GHR: variants seen among roughly 807,000 people sequenced by gnomAD.
GHR encodes the protein growth hormone receptor.
In GHR, 35 loss-of-function variants were observed where a neutral mutation model predicts 67.1. The observed-to-expected ratio is 0.52, with a 90% confidence interval of 0.40 to 0.69. The LOEUF (loss-of-function observed/expected upper bound fraction) is 0.69, where lower values mean the gene tolerates loss of function less well. Ranked by LOEUF, GHR falls within the 30% of genes least tolerant of loss-of-function variation. The pLI is 0.00. For synonymous variants in GHR, 272 were observed against 269.1 expected (o/e 1.01, Z -0.10); for missense variants, 792 against 764.6 (o/e 1.04, Z -0.42).
chr5:42,574,311 C>G (rs2112515207), intron 2 of GHR, among the ~76,000 whole-genome samples: 1 of 152,354 alleles, frequency 6.6e-6, no homozygotes, highest in African/African-American at 2.4e-5. Flanking sequence ...AAGTGCCATA[C>G]TCAGACAGCT....
chr5:42,546,291 T>C (rs957110887), intron 1 of GHR, among the ~76,000 whole-genome samples: 9 of 152,188 alleles, frequency 5.9e-5, no homozygotes, highest in African/African-American at 2.2e-4. Flanking sequence ...AGTTGGCCCT[T>C]TGTCTTTTTA....
In GHR at chr5:42,649,260, A is replaced by G. The variant is rs538750508; in HGVS notation, c.136+20157A>G. 5.3e-5 allele frequency among the ~76,000 whole-genome samples: 8 copies of G among 152,338 alleles called. No individual in the cohort carries two copies. The East Asian group carries it at 1.5e-3, about 29-fold the overall frequency. On this transcript the variant is annotated intron_variant, in intron 3 of 9. Coordinates refer to ENST00000230882, the MANE Select transcript of GHR (RefSeq NM_000163.5). ...TCCTTTCTTTTTGTGCTCAGCTCTA[A>G]AAATATGCAGTGTAGTGAGTCACTA...
At chr5:42,485,590 C>T (rs545547439) in intron 1 of GHR, among the ~76,000 whole-genome samples, 1 of 152,298 alleles carries the variant, frequency 6.6e-6, no homozygotes, top group African/African-American at 2.4e-5. Flanking sequence ...GACTTTTGTT[C>T]TAGTGTGTTG....
At chr5:42,647,306 G>A (rs1360052232) in intron 3 of GHR, among the ~76,000 whole-genome samples, 1 of 152,028 alleles carries the variant, frequency 6.6e-6, no homozygotes, top group Non-Finnish European at 1.5e-5. Context: ...CGGGCGTTGT[G>A]GCTCACACCT....
rs1745163788 is a variant in GHR at position 42,474,295 on chromosome 5, G to GAGAAAGAAAAGAAAGAAAGAA, written c.-12+50349_-12+50350insAGAAAGAAAGAAAGAAAGAAA. Among the ~76,000 whole-genome samples, 3 of 81,070 alleles carry GAGAAAGAAAAGAAAGAAAGAA rather than the reference G, an allele frequency of 3.7e-5. 1 individual carries two copies. Among genetic ancestry groups the GAGAAAGAAAAGAAAGAAAGAA allele is most frequent in the South Asian group, 9.0e-4 (2 of 2,218 alleles). 53.2% of individuals were successfully genotyped at this position (81,070 alleles called of 152,430 possible). Reference sequence around the variant, plus strand: ...AGAAAGAAAGAAAGAAAAAGAGAAAGAGAAAGAAAGAAAGAAAGAAAGAAA... The same window carrying GAGAAAGAAAAGAAAGAAAGAA: ...AGAAAGAAAGAAAGAAAAAGAGAAAGAGAAAGAAAAGAAAGAAAGAAAGAAAGAAAGAAAGAAAGAAAGAAA... On this transcript the variant is annotated intron_variant, in intron 1 of 9. Transcript: ENST00000230882.
chr5:42,610,781 T>C (rs1462055294), intron 2 of GHR, among the ~76,000 whole-genome samples: 1 of 152,092 alleles, frequency 6.6e-6, no homozygotes, highest in African/African-American at 2.4e-5. Flanking sequence ...AAGAAAGTTT[T>C]GGCAAGGCTG....
chr5:42,591,574 A>G (rs921597144), intron 2 of GHR, among the ~76,000 whole-genome samples: 1 of 152,100 alleles, frequency 6.6e-6, no homozygotes, highest in Non-Finnish European at 1.5e-5. Context: ...TCTAGGGAAT[A>G]TCATGCAGTT....
At chr5:42,525,754 C>G (rs182291314) in intron 1 of GHR, among the ~76,000 whole-genome samples, 1 of 152,284 alleles carries the variant, frequency 6.6e-6, no homozygotes, top group East Asian at 1.9e-4. Flanking sequence ...GGGGGCCAGT[C>G]TTTCCTGTGC....
intron 2 of GHR, among the ~76,000 whole-genome samples, chr5:42,591,395 G>C (rs1008214709): frequency 1.3e-5 from 2 of 152,190 alleles, no homozygotes; most frequent in Non-Finnish European, 2.9e-5. Context: ...AGAACAAGTG[G>C]GTAGGATCTT....
chr5:42,562,027 G>A (rs1749634668), intron 1 of GHR, among the ~76,000 whole-genome samples: 1 of 152,124 alleles, frequency 6.6e-6, no homozygotes, highest in Non-Finnish European at 1.5e-5. Context: ...GGAATAGAGG[G>A]ACTTTCTTAT....
chr5:42,621,846 A>G (rs973428416), intron 2 of GHR, among the ~76,000 whole-genome samples: 2 of 152,086 alleles, frequency 1.3e-5, no homozygotes, highest in East Asian at 1.9e-4. Context: ...GAAGAAATAC[A>G]CTCCCTCATG....
At chr5:42,709,461 A>G (rs1158118390) in intron 6 of GHR, among the ~76,000 whole-genome samples, 2 of 152,042 alleles carry the variant, frequency 1.3e-5, no homozygotes, top group Non-Finnish European at 2.9e-5. Context: ...TAGTAAATAC[A>G]TTTTGCATGA....
chr5:42,674,427 G>T (rs1392271241), intron 3 of GHR, among the ~76,000 whole-genome samples: 1 of 152,016 alleles, frequency 6.6e-6, no homozygotes, highest in Admixed American at 6.6e-5. Context: ...ACAATGTTGT[G>T]CAACAATCAC....
Position 42,565,871 on chromosome 5 carries a change from A to C in GHR, c.-4A>C. 6.2e-7 allele frequency: 1 copy of C among 1,613,924 alleles called. No individual in the cohort carries two copies. On this transcript the variant is annotated 5_prime_UTR_variant, in exon 2 of 10. Coordinates refer to ENST00000230882, the MANE Select transcript of GHR (RefSeq NM_000163.5). ...CCCTTTTTGTGATTGCAGGTCCTAC[A>C]GGTATGGATCTCTGGCAGCTGCTGT...
At position 42,424,617 on chromosome 5, in the gene GHR, G is replaced by A. The variant is rs961818259; in HGVS notation, c.-12+662G>A. ...AACTGGGGTAAGTGGAAATTGTGGC[G>A]AGCCGACCTCCCCCAGCTTTTGACA... is the stretch of plus-strand genomic sequence containing the variant. On this transcript the variant is annotated intron_variant, in intron 1 of 9. Coordinates refer to ENST00000230882, the MANE Select transcript of GHR (RefSeq NM_000163.5). This position sits in a 1 kb window ranked among gnomAD's most constrained non-coding sequence, Gnocchi z 4.1. 5.4e-5 allele frequency: 82 copies of A among 1,532,600 alleles called. 1 individual carries two copies. The highest frequency in any genetic ancestry group is 4.4e-4 in the East Asian group (18 of 40,872). The allele number at this position is 1,532,600 out of a possible 1,614,324, so 94.9% of individuals were successfully genotyped here.
intron 1 of GHR, among the ~76,000 whole-genome samples, chr5:42,528,211 T>C (rs551979174): frequency 6.6e-6 from 1 of 152,262 alleles, no homozygotes; most frequent in Admixed American, 6.5e-5. Context: ...CCATAGATAG[T>C]CATTCTTCTG....
chr5:42,713,577 T>C, intron 8 of GHR, 58 bp downstream of exon 8: 1 of 806,044 alleles, frequency 1.2e-6, no homozygotes, highest in Non-Finnish European at 2.2e-6. Context: ...TTTCCATATG[T>C]GTTTCTATTT....
chr5:42,673,104 T>C (rs889371004), intron 3 of GHR, among the ~76,000 whole-genome samples: 2 of 152,140 alleles, frequency 1.3e-5, no homozygotes, highest in African/African-American at 4.8e-5. Context: ...GCAAGCAGCA[T>C]GAACAGACAG....
chr5:42,531,550 T>C (rs1277115650), intron 1 of GHR, among the ~76,000 whole-genome samples: 1 of 151,840 alleles, frequency 6.6e-6, no homozygotes, highest in Non-Finnish European at 1.5e-5. Context: ...TAATCATAGC[T>C]CCCTGAAGCC....
Sources: allele counts gnomAD v4.1 joint callset (sites outside exome capture counted in the v4.1 genomes callset), GRCh38; gene constraint gnomAD v4.1.1; non-coding constraint Gnocchi (gnomAD v3.1); transcripts MANE v1.5; gene names NCBI Gene and HGNC (gene_info 2026-07-23, HGNC 2026-07-21).